Variants in GALNTL6 observed in about 807,000 individuals in gnomAD.
The protein encoded by GALNTL6 is polypeptide N-acetylgalactosaminyltransferase like 6.
A neutral mutation model predicts 73.7 loss-of-function variants in GALNTL6; 46 were observed. That is an observed-to-expected ratio of 0.62 (90% CI 0.49 to 0.80). The LOEUF (loss-of-function observed/expected upper bound fraction) is 0.80. GALNTL6 is among the 30% of genes least tolerant of loss of function. The pLI is 0.00. For missense variants in GALNTL6, 604 were observed against 755.0 expected (o/e 0.80, Z 2.34); for synonymous variants, 259 against 263.7 (o/e 0.98, Z 0.17).
At chr4:172,762,511 C>A (rs978169507) in intron 5 of GALNTL6, among the ~76,000 whole-genome samples, 2 of 151,638 alleles carry the variant, frequency 1.3e-5, no homozygotes, top group African/African-American at 4.8e-5. Context: ...AATCCCCAGG[C>A]TCTGTCTTTA....
chr4:171,976,362 A>C, intron 2 of GALNTL6, among the ~76,000 whole-genome samples: 1 of 152,220 alleles, frequency 6.6e-6, no homozygotes, highest in South Asian at 2.1e-4. Context: ...AAATTTTATA[A>C]ATCAATGTTT....
At chr4:171,926,682 T>C (rs897639064) in intron 2 of GALNTL6, among the ~76,000 whole-genome samples, 1 of 152,122 alleles carries the variant, frequency 6.6e-6, no homozygotes. Flanking sequence ...ATTTTCTTCA[T>C]AATTTGTATT....
intron 5 of GALNTL6, among the ~76,000 whole-genome samples, chr4:172,349,251 C>A (rs542035174): frequency 1.3e-5 from 2 of 151,930 alleles, no homozygotes; most frequent in East Asian, 3.9e-4. Flanking sequence ...AGTTTTAATA[C>A]TTTTATAATT....
intron 5 of GALNTL6, among the ~76,000 whole-genome samples, chr4:172,513,347 T>A (rs540706792): frequency 6.6e-6 from 1 of 152,286 alleles, no homozygotes; most frequent in African/African-American, 2.4e-5. Context: ...AATTTCTTTA[T>A]GTTGATATTT....
rs182418460 is a variant in GALNTL6 at position 172,716,156 on chromosome 4, G to A, written c.554-93205G>A. On this transcript the variant is annotated intron_variant, in intron 5 of 12. Transcript: ENST00000506823. ...ACTAATTGGGAGAGGTGCTGGTGGT[G>A]TCTAGTCTATAGCGGCTAGAGAATG... Among the ~76,000 whole-genome samples, 12 of 152,192 alleles carry A rather than the reference G, an allele frequency of 7.9e-5. No homozygotes were observed. The East Asian group carries it at 2.3e-3, about 29-fold the overall frequency.
At chr4:172,888,210 G>A (rs1745835787) in intron 8 of GALNTL6, among the ~76,000 whole-genome samples, 1 of 152,132 alleles carries the variant, frequency 6.6e-6, no homozygotes, top group Non-Finnish European at 1.5e-5. Context: ...ACTTGTCAAT[G>A]TTTGGTTTTG....
intron 5 of GALNTL6, among the ~76,000 whole-genome samples, chr4:172,741,412 C>G (rs6553653): frequency 1 from 152,079 of 152,198 alleles, 75,981 homozygotes; most frequent in Non-Finnish European, 1. Flanking sequence ...TTCCAGTCTT[C>G]CTCTCATATC....
chr4:172,636,069 C>G (rs1739662833), intron 5 of GALNTL6, among the ~76,000 whole-genome samples: 1 of 152,070 alleles, frequency 6.6e-6, no homozygotes. Flanking sequence ...TCCCTAAGGA[C>G]CAAGGAGTCC....
chr4:172,434,720 GA>G (rs34091824), intron 5 of GALNTL6, among the ~76,000 whole-genome samples: 4 of 151,680 alleles, frequency 2.6e-5, no homozygotes, highest in South Asian at 2.1e-4. Context: ...CAATCACAAA[GA>G]AAAAAAATGG....
intron 5 of GALNTL6, among the ~76,000 whole-genome samples, chr4:172,594,419 G>A (rs1421590681): frequency 6.6e-6 from 1 of 152,032 alleles, no homozygotes; most frequent in Non-Finnish European, 1.5e-5. Flanking sequence ...ACATTTATTT[G>A]AACTCTTATG....
chr4:173,012,252 T>C (rs1361767030), intron 11 of GALNTL6, among the ~76,000 whole-genome samples: 6 of 152,170 alleles, frequency 3.9e-5, no homozygotes, highest in African/African-American at 1.2e-4. Flanking sequence ...GCCCATCTTG[T>C]ACATTAAACT....
chr4:172,594,526 A>G (rs1304563183), intron 5 of GALNTL6, among the ~76,000 whole-genome samples: 3 of 152,130 alleles, frequency 2.0e-5, no homozygotes, highest in African/African-American at 7.2e-5. Context: ...TTGGCTCAAA[A>G]CTACAGTTTT....
rs187390850 is a variant in GALNTL6 at position 172,766,215 on chromosome 4, C to G, written c.554-43146C>G. On this transcript the variant is annotated intron_variant, in intron 5 of 12. Coordinates refer to ENST00000506823, the MANE Select transcript of GALNTL6 (RefSeq NM_001034845.3). The stretch of plus-strand genomic sequence containing the variant: ...CAGCTTGAGTACATTCTTTCGGTCC[C>G]TAAACTTACTTTGTACAGTGTTGTA... Among the ~76,000 whole-genome samples the G allele has an allele frequency of 2.6e-5, 4 of 152,250 alleles. No homozygotes were observed. In the East Asian group the frequency reaches 7.7e-4, roughly 29 times the overall value.
At chr4:172,500,654 A>G (rs1299607058) in intron 5 of GALNTL6, among the ~76,000 whole-genome samples, 2 of 152,060 alleles carry the variant, frequency 1.3e-5, no homozygotes, top group Non-Finnish European at 1.5e-5. Context: ...CAAATCTACC[A>G]TTACAGAGCA....
At position 173,010,865 on chromosome 4, in the gene GALNTL6, A is replaced by G. The variant is rs188940094; in HGVS notation, c.1488+1571A>G. The stretch of plus-strand genomic sequence containing the variant: ...CATGATCTGCCCACCTTGGCCTCCC[A>G]AAGTGCTGGGATTACAGGCATAAGC... On this transcript the variant is annotated intron_variant, in intron 11 of 12. Transcript: ENST00000506823. Among the ~76,000 whole-genome samples, 1,178 of 151,758 alleles carry G rather than the reference A, an allele frequency of 7.8e-3. 15 individuals carry two copies. The highest frequency in any genetic ancestry group is 0.018 in the African/African-American group (742 of 41,354).
chr4:172,666,366 A>G (rs969612610), intron 5 of GALNTL6, among the ~76,000 whole-genome samples: 3 of 152,210 alleles, frequency 2.0e-5, no homozygotes, highest in Admixed American at 1.3e-4. Flanking sequence ...AATGGAGTCA[A>G]TTGTGTTAAA....
At chr4:172,097,430 T>G (rs1390266488) in intron 2 of GALNTL6, among the ~76,000 whole-genome samples, 1 of 152,160 alleles carries the variant, frequency 6.6e-6, no homozygotes, top group African/African-American at 2.4e-5. Flanking sequence ...CTCTGCCCAT[T>G]ATGAGGAAGG....
intron 2 of GALNTL6, among the ~76,000 whole-genome samples, chr4:172,031,328 TA>T (rs1489987179): frequency 6.6e-6 from 1 of 152,022 alleles, no homozygotes; most frequent in Non-Finnish European, 1.5e-5. Context: ...TCCATAACTT[TA>T]AAAAATGGTA....
intron 2 of GALNTL6, among the ~76,000 whole-genome samples, chr4:171,942,231 AAAAT>A (rs1197428621): frequency 2.7e-5 from 1 of 37,276 alleles, no homozygotes; most frequent in Non-Finnish European, 9.9e-5. Context: ...TCTCCAATAA[AAAAT>A]AAATAGATAA....
Sources: gnomAD v4.1 joint callset for allele counts (sites outside exome capture counted in the v4.1 genomes callset) on GRCh38, gnomAD v4.1.1 for gene constraint, MANE v1.5 for transcripts, NCBI Gene and HGNC (gene_info 2026-07-23, HGNC 2026-07-21) for gene names.